Variants in DPYD observed in about 807,000 individuals in gnomAD.
The protein encoded by DPYD is dihydropyrimidine dehydrogenase, also known as dihydropyrimidine dehydrogenase [NADP(+)].
A neutral mutation model predicts 116.2 loss-of-function variants in DPYD; 109 were observed. That is an observed-to-expected ratio of 0.94 (90% CI 0.80 to 1.10). The LOEUF (loss-of-function observed/expected upper bound fraction) is 1.10, where lower values mean the gene tolerates loss of function less well. DPYD is among the 50% of genes least tolerant of loss of function. DPYD has a pLI of 0.00. For synonymous variants in DPYD, 440 were observed against 432.0 expected (o/e 1.02, Z -0.23); for missense variants, 1,302 against 1,254.5 (o/e 1.04, Z -0.57).
intron 8 of DPYD, among the ~76,000 whole-genome samples, chr1:97,644,701 G>T (rs888959530): frequency 7.3e-5 from 11 of 149,864 alleles, no homozygotes; most frequent in African/African-American, 2.2e-4. Flanking sequence ...CTCATGATCT[G>T]CCCACCTCAG....
chr1:97,175,660 C>A (rs997066607), intron 20 of DPYD, among the ~76,000 whole-genome samples: 1 of 152,168 alleles, frequency 6.6e-6, no homozygotes, highest in African/African-American at 2.4e-5. Context: ...TGTTTCTCAA[C>A]TATACCTTAT....
chr1:97,298,353 C>A (rs1666658913), intron 18 of DPYD, among the ~76,000 whole-genome samples: 1 of 152,042 alleles, frequency 6.6e-6, no homozygotes, highest in African/African-American at 2.4e-5. Flanking sequence ...AACAAGCCTT[C>A]CAGTTTCTGA....
At chr1:97,579,999 A>G (rs935240058) in intron 10 of DPYD, among the ~76,000 whole-genome samples, 5 of 152,236 alleles carry the variant, frequency 3.3e-5, no homozygotes, top group African/African-American at 1.2e-4. Context: ...TTAATGATTA[A>G]CTTTATGTAA....
At chr1:97,721,367 A>G in intron 5 of DPYD, 143 bp downstream of exon 5, 1 of 1,002,060 alleles carries the variant, frequency 1.0e-6, no homozygotes, top group Admixed American at 2.5e-5. Flanking sequence ...AATAAAAATA[A>G]AGTTTGTTGT....
intron 8 of DPYD, among the ~76,000 whole-genome samples, chr1:97,661,366 A>G (rs1335261198): frequency 6.6e-6 from 1 of 152,178 alleles, no homozygotes; most frequent in Non-Finnish European, 1.5e-5. Flanking sequence ...ATGTTCAATT[A>G]TTCGGCATTA....
At chr1:97,231,531 CA>C (rs1324819338) in intron 19 of DPYD, among the ~76,000 whole-genome samples, 1 of 152,074 alleles carries the variant, frequency 6.6e-6, no homozygotes, top group Non-Finnish European at 1.5e-5. Flanking sequence ...ATAAAACCAC[CA>C]GATCTAGTGA....
chr1:97,493,964 G>A (rs1461497035), intron 13 of DPYD, among the ~76,000 whole-genome samples: 1 of 152,168 alleles, frequency 6.6e-6, no homozygotes, highest in Non-Finnish European at 1.5e-5. Flanking sequence ...AGATATGACT[G>A]TAGGGACAGA....
intron 16 of DPYD, among the ~76,000 whole-genome samples, chr1:97,339,539 T>C (rs1195596029): frequency 6.6e-6 from 1 of 152,102 alleles, no homozygotes; most frequent in Non-Finnish European, 1.5e-5. Context: ...AATCAAATGT[T>C]AAGAAAAAAG....
chr1:97,693,910 T>C (rs1661162417), intron 6 of DPYD, among the ~76,000 whole-genome samples: 1 of 152,096 alleles, frequency 6.6e-6, no homozygotes, highest in Non-Finnish European at 1.5e-5. Flanking sequence ...AAAAAAACTC[T>C]GAAAGGCATG....
At chr1:97,437,310 T>G (rs1247875108) in intron 14 of DPYD, among the ~76,000 whole-genome samples, 2 of 151,536 alleles carry the variant, frequency 1.3e-5, no homozygotes, top group Non-Finnish European at 3.0e-5. Context: ...TTTTTTTTTT[T>G]GAATCTGGAT....
chr1:97,724,719 ACT>A (rs2101034137), intron 4 of DPYD, among the ~76,000 whole-genome samples: 1 of 151,668 alleles, frequency 6.6e-6, no homozygotes, highest in Admixed American at 6.6e-5. Context: ...ATTCAAAAAC[ACT>A]CTCACAGAAA....
chr1:97,785,037 C>T lies in DPYD; in HGVS notation c.233+43077G>A, dbSNP rs923874397. Among the ~76,000 whole-genome samples, 8 of 152,202 alleles carry T rather than the reference C, an allele frequency of 5.3e-5. No individual in the cohort carries two copies. In the East Asian group the frequency reaches 1.5e-3, roughly 29 times the overall value. Reference sequence around the variant, plus strand: ...CATGGTGTTCTGATTTTAATAAACACAAATAAATTTATTAATCTTTGCTGT... The same window carrying T: ...CATGGTGTTCTGATTTTAATAAACATAAATAAATTTATTAATCTTTGCTGT... On this transcript the variant is annotated intron_variant, in intron 3 of 22. Coordinates refer to ENST00000370192, the MANE Select transcript of DPYD (RefSeq NM_000110.4).
At chr1:97,797,772 A>G (rs1246816277) in intron 3 of DPYD, 1 of 151,954 alleles carries the variant, frequency 6.6e-6, no homozygotes, top group Non-Finnish European at 1.5e-5. Context: ...CATTTTTCAG[A>G]AAAAAAATAT....
chr1:97,411,918 T>C (rs1418701802), intron 14 of DPYD, among the ~76,000 whole-genome samples: 1 of 152,216 alleles, frequency 6.6e-6, no homozygotes, highest in Non-Finnish European at 1.5e-5. Flanking sequence ...TAAATTCATA[T>C]TACCTGTTTA....
chr1:97,248,239 T>C (rs1006446174), intron 18 of DPYD, among the ~76,000 whole-genome samples: 1 of 152,206 alleles, frequency 6.6e-6, no homozygotes, highest in African/African-American at 2.4e-5. Context: ...ACTCCCACAC[T>C]TCCCACGTGT....
intron 16 of DPYD, among the ~76,000 whole-genome samples, chr1:97,346,631 G>A (rs928582598): frequency 1.3e-5 from 2 of 151,628 alleles, no homozygotes; most frequent in Admixed American, 6.6e-5. Context: ...ATCACATAAA[G>A]GTCTATCTAC....
At chr1:97,695,056 C>T (rs980946553) in intron 6 of DPYD, among the ~76,000 whole-genome samples, 7 of 152,168 alleles carry the variant, frequency 4.6e-5, no homozygotes, top group African/African-American at 1.7e-4. Context: ...ATTCCTCATT[C>T]CAATTCCCCA....
chr1:97,427,888 T>C (rs1012753349), intron 14 of DPYD, among the ~76,000 whole-genome samples: 3 of 152,102 alleles, frequency 2.0e-5, no homozygotes, highest in African/African-American at 7.2e-5. Flanking sequence ...GAGTAGGGAA[T>C]AGAAAATAGT....
chr1:97,391,032 AC>A lies in DPYD; in HGVS notation c.1906-8572del, dbSNP rs772903047. Among the ~76,000 whole-genome samples, 83 of 144,762 alleles carry A rather than the reference AC, an allele frequency of 5.7e-4. 1 individual carries two copies. Among genetic ancestry groups the A allele is most frequent in the Middle Eastern group, 7.9e-3 (2 of 254 alleles). 95.0% of individuals were successfully genotyped at this position (144,762 alleles called of 152,430 possible). A position where few individuals can be genotyped will look rare whatever the true frequency, so the allele number is the denominator to read the frequency against. ...CCTCTTCTAACTGAGCTTTGGAGATACCACTTACTTTTCCTCTTTTTTTTTT... is the reference window on the plus strand; with the variant it reads ...CCTCTTCTAACTGAGCTTTGGAGATACACTTACTTTTCCTCTTTTTTTTTT... On this transcript the variant is annotated intron_variant, in intron 14 of 22. Transcript: ENST00000370192.
Sources: allele counts gnomAD v4.1 joint callset (sites outside exome capture counted in the v4.1 genomes callset), GRCh38; gene constraint gnomAD v4.1.1; transcripts MANE v1.5; gene names NCBI Gene and HGNC (gene_info 2026-07-23, HGNC 2026-07-21).